Variants in GCC2 observed in about 807,000 individuals in gnomAD.
GCC2 encodes GRIP and coiled-coil domain containing 2.
A neutral mutation model predicts 210.6 loss-of-function variants in GCC2; 120 were observed. That is an observed-to-expected ratio of 0.57 (90% CI 0.49 to 0.66). The LOEUF is 0.66. Among genes scored for constraint, GCC2 ranks in the 30% least tolerant of loss-of-function variants. The probability of loss-of-function intolerance (pLI) is 0.00; values close to 1 mark genes in which losing one functional copy is unlikely to be tolerated. For missense variants in GCC2, 1,868 were observed against 1,871.9 expected (o/e 1.00, Z 0.04); for synonymous variants, 703 against 652.7 (o/e 1.08, Z -1.17).
In GCC2 at chr2:108,449,651, G is replaced by A; in HGVS notation, c.25G>A (p.Val9Met). 6.2e-7 allele frequency: 1 copy of A among 1,613,888 alleles called. No individual in the cohort carries two copies. Among genetic ancestry groups the A allele is most frequent in the Non-Finnish European group, 8.5e-7 (1 of 1,179,834 alleles). ...TTTGCAGGATCTTGTTCAAGATGGGGTGGCTTCACCAGCTACCCCTGGGAC... is the reference window on the plus strand; with the variant it reads ...TTTGCAGGATCTTGTTCAAGATGGGATGGCTTCACCAGCTACCCCTGGGAC... MEDLVQDG[V>M]ASPATPGTGK... The change falls in exon 2 of 23, where the codon GTG becomes ATG. Residue 9 changes from valine to methionine, a missense_variant. This residue lies in a region of GCC2 where 1,847 missense variants were observed against 1,765.2 expected (regional missense o/e 1.05). Transcript: ENST00000309863.
At chr2:108,493,439 G>A (rs138695198) in intron 19 of GCC2, 2 of 985,064 alleles carry the variant, frequency 2.0e-6, no homozygotes, top group Non-Finnish European at 2.4e-6. Context: ...GTTCTCCGTT[G>A]TTAGACATCA....
At position 108,469,685 on chromosome 2, in the gene GCC2, A is replaced by T. The variant is rs1681082099; in HGVS notation, c.356A>T (p.Glu119Val). 1 of 1,606,712 alleles carries T rather than the reference A, an allele frequency of 6.2e-7. No homozygotes were observed. The highest frequency in any genetic ancestry group is 1.7e-5 in the Admixed American group (1 of 58,586). Residue 119 changes from glutamate (E) to valine (V), a missense_variant, in exon 6 of 23, where the codon GAG (glutamate) becomes GTG (valine). Glu to Val is a moderately radical substitution (Grantham distance 121). Transcript: ENST00000309863. ...ACAAAGATGGGAGATGCACATAAGG[A>T]GTTGGAACAATCACATATAAACTAT... ...SVTKMGDAHK[E>V]LEQSHINYVK...
intron 10 of GCC2, 79 bp downstream of exon 10, chr2:108,481,895 A>G (rs1040532943): frequency 2.7e-6 from 3 of 1,095,548 alleles, no homozygotes; most frequent in Admixed American, 2.7e-5. Flanking sequence ...AAAAAATTTA[A>G]AAAATATAGT....
chr2:108,465,776 C>T, intron 4 of GCC2, among the ~76,000 whole-genome samples: 1 of 152,150 alleles, frequency 6.6e-6, no homozygotes, highest in East Asian at 1.9e-4. Context: ...TACTGTTTTC[C>T]ATAGAAGTTT....
chr2:108,493,656 G>A, intron 19 of GCC2: 17 of 985,448 alleles, frequency 1.7e-5, no homozygotes, highest in Non-Finnish European at 2.0e-5. Flanking sequence ...TGATGATGCA[G>A]TATTTTAGTA....
intron 21 of GCC2, among the ~76,000 whole-genome samples, chr2:108,497,359 G>A (rs1478275435): frequency 1.3e-5 from 2 of 152,140 alleles, no homozygotes; most frequent in East Asian, 1.9e-4. Context: ...CTCGTGATCC[G>A]CCTGCCTTGG....
intron 22 of GCC2, 144 bp from the exon 23 acceptor site, chr2:108,507,416 C>CG (rs1228567328): frequency 6.5e-6 from 2 of 307,904 alleles, no homozygotes; most frequent in South Asian, 6.6e-5. Context: ...CCCCCCCCCC[C>CG]AAAAAAAAGG....
chr2:108,496,932 T>C (rs1336793875), intron 20 of GCC2, 38 bp from the exon 21 acceptor site: 3 of 1,610,764 alleles, frequency 1.9e-6, no homozygotes, highest in Non-Finnish European at 2.5e-6. Context: ...CTTTAATGTA[T>C]GATTTTGAAA....
chr2:108,457,012 T>A (rs1680312009), intron 4 of GCC2, among the ~76,000 whole-genome samples: 1 of 152,102 alleles, frequency 6.6e-6, no homozygotes, highest in Admixed American at 6.6e-5. Flanking sequence ...TGTCTGTTTT[T>A]GTTGCCTGGG....
chr2:108,484,118 T>C (rs201986921), intron 12 of GCC2, 31 bp from the exon 13 acceptor site: 2 of 1,478,528 alleles, frequency 1.4e-6, no homozygotes, highest in Non-Finnish European at 1.8e-6. Flanking sequence ...GATCTACTAT[T>C]GTGTAAATCT....
At chr2:108,502,132 A>AG (rs1385796746) in intron 22 of GCC2, among the ~76,000 whole-genome samples, 1 of 152,220 alleles carries the variant, frequency 6.6e-6, no homozygotes, top group Non-Finnish European at 1.5e-5. Flanking sequence ...CTATAAAAAA[A>AG]CAAGACAGAA....
At position 108,471,533 on chromosome 2, in the gene GCC2, T is replaced by C; in HGVS notation, c.2204T>C (p.Val735Ala). ...TTAGAAAAGAAACTTCAGTTAATGG[T>C]TGAAGAGCAAGATAATTTAAATAAA... ...TQLEKKLQLMVEEQDNLNKLL... is the reference protein window; with the variant it reads ...TQLEKKLQLMAEEQDNLNKLL... The change falls in exon 6 of 23, where the codon GTT becomes GCT. Residue 735 changes from valine (V) to alanine (A), a missense_variant. Val to Ala is a moderately conservative substitution (Grantham distance 64). Coordinates refer to ENST00000309863, the MANE Select transcript of GCC2 (RefSeq NM_181453.4). The C allele has an allele frequency of 1.2e-6, 2 of 1,605,910 alleles. No homozygotes were observed. The highest frequency in any genetic ancestry group is 2.2e-5 in the South Asian group (2 of 89,238).
chr2:108,508,588 G>A lies in GCC2; in HGVS notation c.*958G>A, dbSNP rs1324183330. The A allele has an allele frequency of 6.6e-6, 1 of 150,438 alleles. No individual in the cohort carries two copies. The highest frequency in any genetic ancestry group is 6.7e-5 in the Admixed American group (1 of 14,930). The allele number at this position is 150,438 out of a possible 1,614,324, so 9.3% of individuals were successfully genotyped here. On this transcript the variant is annotated 3_prime_UTR_variant, in exon 23 of 23. Transcript: ENST00000309863. The stretch of plus-strand genomic sequence containing the variant: ...CCAAATAAAAACCTATCACAACAGT[G>A]ACTATATCACTCAGCATTGGATCTA...
rs1284954649 is a variant in GCC2 at position 108,486,600 on chromosome 2, A to G, written c.3882A>G (p.Ala1294=). 3 of 1,613,930 alleles carry G rather than the reference A, an allele frequency of 1.9e-6. No individual in the cohort carries two copies. Among genetic ancestry groups the G allele is most frequent in the African/African-American group, 2.7e-5 (2 of 74,950 alleles). The change falls in exon 16 of 23, where the codon GCA becomes GCG. Residue 1294 remains alanine (A), a synonymous_variant. Coordinates refer to ENST00000309863, the MANE Select transcript of GCC2 (RefSeq NM_181453.4). ...SAEQHQRTLS[A]YQQRVTALQE... is the part of the protein sequence containing the mutation. ...AACAGCACCAGCGTACGCTAAGTGC[A>G]TACCAGCAGAGAGTGACAGCACTAC...
At position 108,449,223 on chromosome 2, in the gene GCC2, G is replaced by C; in HGVS notation, c.-52G>C. On this transcript the variant is annotated 5_prime_UTR_variant, in exon 1 of 23. Transcript: ENST00000309863. ...CCTACGTCAGAGGCTGGCGCAAACA[G>C]AAGTGCAGCGGTGGCGGCGGCTGGT... 6.5e-7 allele frequency: 1 copy of C among 1,539,334 alleles called. No individual in the cohort carries two copies. The highest frequency in any genetic ancestry group is 8.8e-7 in the Non-Finnish European group (1 of 1,136,930).
chr2:108,488,854 A>AT (rs1412259000), intron 17 of GCC2, among the ~76,000 whole-genome samples: 2 of 152,218 alleles, frequency 1.3e-5, no homozygotes, highest in East Asian at 3.8e-4. Flanking sequence ...TCTATTAAAT[A>AT]TAGAGACTGT....
intron 22 of GCC2, among the ~76,000 whole-genome samples, chr2:108,503,167 T>TAA (rs1044712389): frequency 1.4e-5 from 2 of 142,668 alleles, no homozygotes; most frequent in African/African-American, 5.0e-5. Context: ...CAAGCAGTAT[T>TAA]AAAAAAAAAA....
chr2:108,465,276 G>C (rs1383492104), intron 4 of GCC2, among the ~76,000 whole-genome samples: 3 of 152,216 alleles, frequency 2.0e-5, no homozygotes, highest in Non-Finnish European at 4.4e-5. Flanking sequence ...AGTGGAGGAG[G>C]TAAGTAAGAG....
At chr2:108,495,628 C>A (rs1682614895) in intron 20 of GCC2, 143 bp downstream of exon 20, 4 of 505,710 alleles carry the variant, frequency 7.9e-6, no homozygotes, top group Non-Finnish European at 1.4e-5. Flanking sequence ...TATTAGGGTT[C>A]TCTAGAGGGA....
Sources: allele counts gnomAD v4.1 joint callset (sites outside exome capture counted in the v4.1 genomes callset), GRCh38; gene constraint gnomAD v4.1.1; regional missense constraint gnomAD v4.1.1; transcripts MANE v1.5; gene names NCBI Gene and HGNC (gene_info 2026-07-23, HGNC 2026-07-21).